The following VWA5B1 variants were observed in gnomAD, a reference collection of about 807,000 sequenced individuals.
VWA5B1 encodes the protein von Willebrand factor A domain-containing protein 5B1.
In VWA5B1, 115 loss-of-function variants were observed where a neutral mutation model predicts 118.2. That is an observed-to-expected ratio of 0.97 (90% CI 0.84 to 1.14). The LOEUF (loss-of-function observed/expected upper bound fraction) is 1.14, where lower values mean the gene tolerates loss of function less well. Ranked by LOEUF, VWA5B1 falls within the 50% of genes most tolerant of loss-of-function variation. The pLI is 0.00. For missense variants in VWA5B1, 1,596 were observed against 1,603.8 expected, an observed-to-expected ratio of 1.00 and a Z score of 0.08; for synonymous variants, 682 against 658.4, an observed-to-expected ratio of 1.04 and a Z score of -0.55.
intron 14 of VWA5B1, among the ~76,000 whole-genome samples, chr1:20,340,525 A>G (rs530113494): frequency 6.6e-6 from 1 of 152,288 alleles, no homozygotes; most frequent in South Asian, 2.1e-4. Flanking sequence ...CCGCCTCCTA[A>G]TAAATACTTG....
chr1:20,322,060 A>G (rs1045439885), intron 7 of VWA5B1, among the ~76,000 whole-genome samples: 2 of 152,252 alleles, frequency 1.3e-5, no homozygotes, highest in African/African-American at 4.8e-5. Flanking sequence ...AGAGAGAGAC[A>G]GTCCTCTCCT....
At chr1:20,328,777 A>G (rs1337430207) in intron 9 of VWA5B1, among the ~76,000 whole-genome samples, 3 of 152,200 alleles carry the variant, frequency 2.0e-5, no homozygotes, top group Non-Finnish European at 2.9e-5. Flanking sequence ...AATAATATGT[A>G]TTGATCATTC....
Position 20,314,468 on chromosome 1 carries a change from A to ACCT in VWA5B1, c.444_446dup (p.Ser149dup). 6.4e-7 allele frequency: 1 copy of ACCT among 1,551,482 alleles called. No individual in the cohort carries two copies. Among genetic ancestry groups the ACCT allele is most frequent in the Non-Finnish European group, 8.7e-7 (1 of 1,146,938 alleles). On this transcript the variant is annotated inframe_insertion, in exon 4 of 22. Coordinates refer to ENST00000289815, the MANE Select transcript of VWA5B1 (RefSeq NM_001039500.3). Reference sequence around the variant, plus strand: ...GGAGAATGTCACCATCTTCATCAGCACCTCCTCGGAGCTCCCAACGCTGCC... The same window carrying ACCT: ...GGAGAATGTCACCATCTTCATCAGCACCTCCTCCTCGGAGCTCCCAACGCTGCC...
chr1:20,291,359 T>TTCTTTCTTTCTTTCTTTC lies in VWA5B1; in HGVS notation c.-27+274_-27+275insTTCTTTCTTTCTTTCTCT, dbSNP rs1381113890. ...TCTCTCTCTTTCTTTCTTTCTTTCTTTCTCTCTCTCTCTCTCTCTCTCTCT... is the reference window on the plus strand; with the variant it reads ...TCTCTCTCTTTCTTTCTTTCTTTCTTTCTTTCTTTCTTTCTTTCTCTCTCTCTCTCTCTCTCTCTCTCT... On this transcript the variant is annotated intron_variant, in intron 1 of 21. Transcript: ENST00000289815. Among the ~76,000 whole-genome samples the TTCTTTCTTTCTTTCTTTC allele has an allele frequency of 1.2e-3, 126 of 103,414 alleles. 1 individual carries two copies. Among genetic ancestry groups the TTCTTTCTTTCTTTCTTTC allele is most frequent in the African/African-American group, 3.9e-3 (108 of 27,644 alleles). The allele number at this position is 103,414 out of a possible 152,430, so 67.8% of individuals were successfully genotyped here. A position where few individuals can be genotyped will look rare whatever the true frequency, so the allele number is the denominator to read the frequency against.
rs977237891 is a variant in VWA5B1 at position 20,354,108 on chromosome 1, G to A, written c.3493G>A (p.Ala1165Thr). 6.4e-6 allele frequency: 10 copies of A among 1,551,336 alleles called. No individual in the cohort carries two copies. Among genetic ancestry groups the A allele is most frequent in the Non-Finnish European group, 8.7e-6 (10 of 1,147,004 alleles). The change falls in exon 22 of 22, where the codon GCC becomes ACC. Residue 1165 changes from alanine to threonine, a missense_variant. Ala to Thr is a moderately conservative substitution (Grantham distance 58). Coordinates refer to ENST00000289815, the MANE Select transcript of VWA5B1 (RefSeq NM_001039500.3). The stretch of plus-strand genomic sequence containing the variant: ...CTTCACTGAGTGGGAGTTGGTGGCT[G>A]CCAAGGCCAACTCATGGCTGGAGCA... The part of the protein sequence containing the change: ...SYFTEWELVA[A>T]KANSWLEQQE...
intron 1 of VWA5B1, among the ~76,000 whole-genome samples, chr1:20,301,292 C>T (rs1250060232): frequency 6.6e-6 from 1 of 152,202 alleles, no homozygotes; most frequent in Non-Finnish European, 1.5e-5. Flanking sequence ...AAAGCAATAG[C>T]CAACATTTAC....
chr1:20,301,405 C>G (rs150760800), intron 1 of VWA5B1, among the ~76,000 whole-genome samples: 1 of 152,306 alleles, frequency 6.6e-6, no homozygotes, highest in Non-Finnish European at 1.5e-5. Flanking sequence ...GCCCACTATA[C>G]AGAGGGTGAA....
chr1:20,314,421 A>G lies in VWA5B1; in HGVS notation c.392A>G (p.Asn131Ser), dbSNP rs1480113492. 2.6e-6 allele frequency: 4 copies of G among 1,551,758 alleles called. No individual in the cohort carries two copies. The highest frequency in any genetic ancestry group is 3.5e-6 in the Non-Finnish European group (4 of 1,147,032). The change falls in exon 4 of 22, where the codon AAC (asparagine) becomes AGC (serine). Residue 131 changes from asparagine (N) to serine (S), a missense_variant. Coordinates refer to ENST00000289815, the MANE Select transcript of VWA5B1 (RefSeq NM_001039500.3). The stretch of plus-strand genomic sequence containing the variant: ...TTGGAGCGGATCCTGTTCGTGGCCA[A>G]CCTGGGGACCATTGCCCCCATGGAG... Reference protein sequence around the residue: ...EDLERILFVANLGTIAPMENV... With the variant: ...EDLERILFVASLGTIAPMENV...
At chr1:20,334,609 G>A (rs1440918598) in intron 12 of VWA5B1, among the ~76,000 whole-genome samples, 6 of 151,702 alleles carry the variant, frequency 4.0e-5, no homozygotes, top group South Asian at 2.1e-4. Context: ...TCAAGAGTTC[G>A]AGACCAGCCT....
At chr1:20,331,048 T>C in intron 11 of VWA5B1, 65 bp downstream of exon 11, 1 of 1,368,244 alleles carries the variant, frequency 7.3e-7, no homozygotes, top group Non-Finnish European at 9.9e-7. Flanking sequence ...ACCAGTCACA[T>C]GGCAACTCAG....
rs1419018521 is a variant in VWA5B1 at position 20,314,349 on chromosome 1, T to TA, written c.321dup (p.Ala108SerfsTer97). 1 of 1,551,932 alleles carries TA rather than the reference T, an allele frequency of 6.4e-7. No individual in the cohort carries two copies. Among genetic ancestry groups the TA allele is most frequent in the Non-Finnish European group, 8.7e-7 (1 of 1,147,036 alleles). ...AACATTCTGCAAGACGGGGTTTCCATAGCCCCTCATTCCTGCACACCGGGA... is the reference window on the plus strand; with the variant it reads ...AACATTCTGCAAGACGGGGTTTCCATAAGCCCCTCATTCCTGCACACCGGGA... On this transcript the variant is annotated frameshift_variant, in exon 4 of 22. Coordinates refer to ENST00000289815, the MANE Select transcript of VWA5B1 (RefSeq NM_001039500.3). LOFTEE classifies it high-confidence loss of function.
chr1:20,337,510 A>AG (rs1360914892), intron 13 of VWA5B1, 136 bp from the exon 14 acceptor site: 12 of 971,074 alleles, frequency 1.2e-5, no homozygotes, highest in Non-Finnish European at 1.6e-5. Context: ...TTTGGATGCC[A>AG]GGGGAGGCAT....
rs2089101404 is a variant in VWA5B1 at position 20,318,579 on chromosome 1, ATG to A, written c.710-10_710-9del. On this transcript the variant is annotated splice_polypyrimidine_tract_variant and intron_variant, in intron 5 of 21. Transcript: ENST00000289815. ...GAGCCTATATCCCCCTTGCCTTTCT[ATG>A]CCACTCAGGGGTGGAGAGTCCCACT... The A allele has an allele frequency of 6.4e-7, 1 of 1,551,172 alleles. No individual in the cohort carries two copies. Among genetic ancestry groups the A allele is most frequent in the South Asian group, 1.2e-5 (1 of 84,018 alleles).
chr1:20,304,449 G>T (rs991235412), intron 1 of VWA5B1, among the ~76,000 whole-genome samples: 1 of 152,124 alleles, frequency 6.6e-6, no homozygotes, highest in Non-Finnish European at 1.5e-5. Context: ...GCACTGGAGA[G>T]AGACAAGGAC....
At chr1:20,305,126 T>C (rs1030481052) in intron 1 of VWA5B1, among the ~76,000 whole-genome samples, 8 of 151,680 alleles carry the variant, frequency 5.3e-5, no homozygotes, top group Non-Finnish European at 1.2e-4. Flanking sequence ...GCAAGATATA[T>C]ATTATGTCAG....
chr1:20,316,567 T>G (rs2089016195), intron 4 of VWA5B1, among the ~76,000 whole-genome samples: 1 of 151,998 alleles, frequency 6.6e-6, no homozygotes, highest in African/African-American at 2.4e-5. Flanking sequence ...TGGAAGGACA[T>G]AGATTAAAGA....
chr1:20,320,394 AC>A (rs1304730119), intron 7 of VWA5B1, among the ~76,000 whole-genome samples: 4 of 151,942 alleles, frequency 2.6e-5, no homozygotes, highest in Admixed American at 6.6e-5. Context: ...GTGGACAGAG[AC>A]CCCCCTAGAA....
At chr1:20,319,319 G>A (rs576577078) in intron 6 of VWA5B1, 63 bp from the exon 7 acceptor site, 174 of 1,536,908 alleles carry the variant, frequency 1.1e-4, no homozygotes, top group Non-Finnish European at 1.5e-4. Flanking sequence ...CTAAACCAAA[G>A]CCCCCAGCAT....
chr1:20,304,575 G>A (rs533348296), intron 1 of VWA5B1, among the ~76,000 whole-genome samples: 55 of 152,238 alleles, frequency 3.6e-4, no homozygotes, highest in African/African-American at 1.2e-3. Context: ...GTGCACGTGC[G>A]TGCATGTGTG....
Sources: gnomAD v4.1 joint callset for allele counts (sites outside exome capture counted in the v4.1 genomes callset) on GRCh38, gnomAD v4.1.1 for gene constraint, MANE v1.5 for transcripts, NCBI Gene and HGNC (gene_info 2026-07-23, HGNC 2026-07-21) for gene names.